Variants in SMYD3 observed in about 807,000 individuals in gnomAD.
The protein encoded by SMYD3 is histone-lysine N-methyltransferase SMYD3.
A neutral mutation model predicts 57.7 loss-of-function variants in SMYD3; 36 were observed. The ratio of observed to expected loss-of-function variants is 0.62; its 90% CI spans 0.48 to 0.82. The LOEUF is 0.82. SMYD3 is among the 40% of genes least tolerant of loss of function. SMYD3 has a pLI of 0.00. For synonymous variants in SMYD3, 211 were observed against 195.0 expected, an observed-to-expected ratio of 1.08 and a Z score of -0.68; for missense variants, 515 against 538.8, an observed-to-expected ratio of 0.96 and a Z score of 0.44.
chr1:245,844,269 T>A (rs1462632119), intron 10 of SMYD3, among the ~76,000 whole-genome samples: 3 of 152,192 alleles, frequency 2.0e-5, no homozygotes, highest in Non-Finnish European at 4.4e-5. Context: ...ATGATGGTCA[T>A]CCTCAGCTAG....
chr1:246,453,873 T>C (rs2103031545), intron 1 of SMYD3, among the ~76,000 whole-genome samples: 2 of 152,294 alleles, frequency 1.3e-5, no homozygotes, highest in Middle Eastern at 3.4e-3. Flanking sequence ...TTAGTAAATC[T>C]CTACTACACC....
intron 1 of SMYD3, among the ~76,000 whole-genome samples, chr1:246,499,257 T>C (rs2068419089): frequency 1.3e-5 from 2 of 151,740 alleles, no homozygotes; most frequent in African/African-American, 2.4e-5. Context: ...TGAGCCGAGA[T>C]TGTACCACTG....
intron 7 of SMYD3, among the ~76,000 whole-genome samples, chr1:245,926,027 C>T (rs891116288): frequency 2.6e-5 from 4 of 152,112 alleles, no homozygotes; most frequent in Admixed American, 1.3e-4. Context: ...AGCATGGCAC[C>T]GGCATCTGGG....
intron 1 of SMYD3, among the ~76,000 whole-genome samples, chr1:246,493,787 T>A (rs1016622541): frequency 2.8e-5 from 4 of 145,224 alleles, no homozygotes; most frequent in Non-Finnish European, 6.1e-5. Flanking sequence ...TCACCACTAT[T>A]CCAATAGTTC....
Position 246,481,607 on chromosome 1 carries a change from T to TATATATATATATATATATAC in SMYD3, c.164+25446_164+25447insGTATATATATATATATATAT, listed in dbSNP as rs1156393004. Among the ~76,000 whole-genome samples the TATATATATATATATATATAC allele has an allele frequency of 8.4e-4, 52 of 61,868 alleles. 7 individuals are homozygous for TATATATATATATATATATAC. The East Asian group carries it at 0.015, about 17-fold the overall frequency. The allele number at this position is 61,868 out of a possible 152,430, so 40.6% of individuals were successfully genotyped here. ...TTCTCAGGCTCCATATATATATATATACACATACATATATACATACATACA... is the reference window on the plus strand; with the variant it reads ...TTCTCAGGCTCCATATATATATATATATATATATATATATATATACACACATACATATATACATACATACA... On this transcript the variant is annotated intron_variant, in intron 1 of 11. Transcript: ENST00000490107.
chr1:246,397,055 G>T (rs1221101213), intron 1 of SMYD3, among the ~76,000 whole-genome samples: 1 of 152,194 alleles, frequency 6.6e-6, no homozygotes, highest in East Asian at 1.9e-4. Context: ...ATGCTCTTCG[G>T]AAAACTGTAC....
chr1:246,384,190 C>T, intron 1 of SMYD3, among the ~76,000 whole-genome samples: 1 of 151,960 alleles, frequency 6.6e-6, no homozygotes, highest in Non-Finnish European at 1.5e-5. Context: ...GATAATTATC[C>T]TTCAGATATC....
intron 8 of SMYD3, among the ~76,000 whole-genome samples, chr1:245,903,583 A>G (rs1174454544): frequency 6.6e-6 from 1 of 152,226 alleles, no homozygotes; most frequent in Non-Finnish European, 1.5e-5. Flanking sequence ...GGCACTGAAG[A>G]CATAGAACAA....
intron 5 of SMYD3, among the ~76,000 whole-genome samples, chr1:245,966,949 C>T (rs1210541353): frequency 2.0e-5 from 3 of 152,180 alleles, no homozygotes; most frequent in African/African-American, 4.8e-5. Context: ...TGCTTCTCAT[C>T]GATATCCACC....
chr1:246,255,381 C>T (rs2063865788), intron 5 of SMYD3, among the ~76,000 whole-genome samples: 1 of 150,994 alleles, frequency 6.6e-6, no homozygotes, highest in South Asian at 2.1e-4. Flanking sequence ...GGGTTTTTAT[C>T]ATGAGGGGAT....
At chr1:245,824,353 T>C (rs1034645371) in intron 10 of SMYD3, among the ~76,000 whole-genome samples, 1 of 152,192 alleles carries the variant, frequency 6.6e-6, no homozygotes, top group Non-Finnish European at 1.5e-5. Context: ...GGATCGATGA[T>C]TGGATGAAAC....
intron 8 of SMYD3, among the ~76,000 whole-genome samples, chr1:245,894,538 C>T (rs1266403376): frequency 1.3e-5 from 2 of 152,138 alleles, no homozygotes; most frequent in South Asian, 4.1e-4. Context: ...CAAAGGTCCG[C>T]GGCTCCATTC....
intron 1 of SMYD3, chr1:246,417,233 G>A (rs981095877): frequency 2.0e-5 from 3 of 152,284 alleles, no homozygotes; most frequent in Admixed American, 6.5e-5. Context: ...CTGCTAGAAA[G>A]AGAGTGCCAT....
At chr1:246,141,264 T>C (rs1199173953) in intron 5 of SMYD3, among the ~76,000 whole-genome samples, 1 of 152,204 alleles carries the variant, frequency 6.6e-6, no homozygotes, top group Non-Finnish European at 1.5e-5. Context: ...TGAACTCAGC[T>C]GTCACTGTAT....
intron 5 of SMYD3, chr1:245,955,781 G>A (rs1319667621): frequency 1.7e-5 from 4 of 235,748 alleles, no homozygotes; most frequent in Middle Eastern, 2.0e-3. Flanking sequence ...TGGATAAGGA[G>A]GCACTAAGCA....
chr1:246,268,797 C>T (rs947983698), intron 5 of SMYD3, among the ~76,000 whole-genome samples: 2 of 152,036 alleles, frequency 1.3e-5, no homozygotes, highest in South Asian at 2.1e-4. Context: ...ATGGAGTAGC[C>T]GTTCTTTTAT....
At chr1:246,333,592 G>GCCAC (rs2065495409) in intron 3 of SMYD3, among the ~76,000 whole-genome samples, 4 of 152,066 alleles carry the variant, frequency 2.6e-5, no homozygotes, top group Admixed American at 1.3e-4. Flanking sequence ...TGGACAAAGG[G>GCCAC]CCACCACAGT....
chr1:246,105,362 TTTTATTTCACCAAAAAAAA>T (rs2061099785), intron 5 of SMYD3, among the ~76,000 whole-genome samples: 1 of 152,116 alleles, frequency 6.6e-6, no homozygotes, highest in Non-Finnish European at 1.5e-5. Context: ...TAGGGTCATG[TTTTATTTCACCAAAAAAAA>T]AGCACTAAAA....
chr1:246,113,809 C>T (rs1396334363), intron 5 of SMYD3: 1 of 152,182 alleles, frequency 6.6e-6, no homozygotes, highest in African/African-American at 2.4e-5. Context: ...ATCTCATACT[C>T]CTCGAATCTT....
Sources: gnomAD v4.1 joint callset for allele counts (sites outside exome capture counted in the v4.1 genomes callset) on GRCh38, gnomAD v4.1.1 for gene constraint, MANE v1.5 for transcripts, NCBI Gene and HGNC (gene_info 2026-07-23, HGNC 2026-07-21) for gene names.